Variants in ABCA10 observed in about 807,000 individuals in gnomAD.
ABCA10 encodes ATP-binding cassette sub-family A member 10.
Under a neutral mutation model 187.5 loss-of-function variants are expected in ABCA10, and 169 were observed. The ratio of observed to expected loss-of-function variants is 0.90; its 90% CI spans 0.80 to 1.02. The LOEUF is 1.02. ABCA10 is among the 50% of genes least tolerant of loss of function. The pLI, the probability that ABCA10 is intolerant of heterozygous loss-of-function variation, is 0.00. For synonymous variants in ABCA10, 574 were observed against 601.8 expected (o/e 0.95, Z 0.68); for missense variants, 1,727 against 1,812.4 (o/e 0.95, Z 0.86).
chr17:69,217,155 G>A (rs528809822), intron 6 of ABCA10, among the ~76,000 whole-genome samples: 103 of 151,998 alleles, frequency 6.8e-4, no homozygotes, highest in Admixed American at 2.2e-3. Context: ...GCTGAGGCAG[G>A]AGAATCACTT....
In ABCA10 at chr17:69,162,838, C is replaced by CATATACATAT. The variant is rs375141032; in HGVS notation, c.3363+1235_3363+1236insATATGTATAT. Among the ~76,000 whole-genome samples the CATATACATAT allele has an allele frequency of 8.0e-3, 965 of 120,782 alleles. 7 individuals are homozygous for CATATACATAT. Among genetic ancestry groups the CATATACATAT allele is most frequent in the Middle Eastern group, 0.015 (4 of 262 alleles). The allele number at this position is 120,782 out of a possible 152,430, so 79.2% of individuals were successfully genotyped here. On this transcript the variant is annotated intron_variant, in intron 27 of 38. Transcript: ENST00000690296. ...ACATATACATATACATATACATATA[C>CATATACATAT]ATATATATATATATATATGAGACGG...
At chr17:69,209,036 T>C (rs958504101) in intron 9 of ABCA10, among the ~76,000 whole-genome samples, 8 of 152,174 alleles carry the variant, frequency 5.3e-5, no homozygotes, top group African/African-American at 1.9e-4. Flanking sequence ...GGAGACCCTA[T>C]CTTCAAAACA....
chr17:69,176,366 G>T (rs1324044048), intron 22 of ABCA10, among the ~76,000 whole-genome samples: 1 of 151,886 alleles, frequency 6.6e-6, no homozygotes, highest in Non-Finnish European at 1.5e-5. Flanking sequence ...GCATTGAGGG[G>T]TCTTTAAGTT....
chr17:69,222,738 T>G lies in ABCA10; in HGVS notation c.35-41A>C, dbSNP rs368816219. The G allele has an allele frequency of 8.0e-6, 12 of 1,507,914 alleles. No individual in the cohort carries two copies. The African/African-American group carries it at 1.4e-4, about 18-fold the overall frequency. 93.4% of individuals were successfully genotyped at this position (1,507,914 alleles called of 1,614,324 possible). On this transcript the variant is annotated intron_variant, in intron 3 of 38. Coordinates refer to ENST00000690296, the MANE Select transcript of ABCA10 (RefSeq NM_001377321.1). ...AACATAAATAAATAATCATGTAAACTTATTACTAGAGGACACAAAAACAAA... is the reference window on the plus strand; with the variant it reads ...AACATAAATAAATAATCATGTAAACGTATTACTAGAGGACACAAAAACAAA...
chr17:69,186,810 A>G (rs900797403), intron 19 of ABCA10, among the ~76,000 whole-genome samples: 8 of 152,142 alleles, frequency 5.3e-5, no homozygotes, highest in Admixed American at 2.0e-4. Flanking sequence ...AACCTGGCAT[A>G]TAAGTTATTT....
rs181174295 is a variant in ABCA10 at position 69,222,600 on chromosome 17, G to A, written c.132C>T (p.Phe44=). The change falls in exon 4 of 39, where the codon TTC becomes TTT. Residue 44 remains phenylalanine, a synonymous_variant. Transcript: ENST00000690296. ...CCCAATTAAACTTCAGGCGATATGA[G>A]AAAGTATCACTAAATATAACTCCCA... ...EMVGVIFSDT[F]SYRLKFNWGY... 1.3e-5 allele frequency: 21 copies of A among 1,603,674 alleles called. No individual in the cohort carries two copies. In the Admixed American group the frequency reaches 3.5e-4, roughly 27 times the overall value.
rs985746053 is a variant in ABCA10, at chr17:69,187,742, A to G, written c.2269T>C (p.Tyr757His). ...SSAALWRRQI[Y>H]AVATLRFLKL... ...AAGAAGCGAAGTGTTGCCACTGCAT[A>G]GATTTGTCGTCTCCAGAGAGCTGCA... The change falls in exon 19 of 39, where the codon TAT (tyrosine) becomes CAT (histidine). Residue 757 changes from tyrosine to histidine, a missense_variant. Physicochemically the swap from Tyr to His is moderately conservative, Grantham distance 83 (BLOSUM62 2). Transcript: ENST00000690296. 8.1e-6 allele frequency: 13 copies of G among 1,613,798 alleles called. No homozygotes were observed. In the African/African-American group the frequency reaches 1.5e-4, roughly 18 times the overall value.
Position 69,164,057 on chromosome 17 carries a change from T to C in ABCA10, c.3363+17A>G, listed in dbSNP as rs771806239. 2.8e-5 allele frequency: 43 copies of C among 1,516,920 alleles called. No homozygotes were observed. The highest frequency in any genetic ancestry group is 3.6e-5 in the Non-Finnish European group (41 of 1,134,264). 94.0% of individuals were successfully genotyped at this position (1,516,920 alleles called of 1,614,324 possible). ...ATCTTATGCAATATATATATTTAGG[T>C]AGAAAATGTTCCTTACTATTAAGGT... On this transcript the variant is annotated intron_variant, in intron 27 of 38. Transcript: ENST00000690296.
At chr17:69,238,021 G>A (rs944291086) in intron 1 of ABCA10, among the ~76,000 whole-genome samples, 3 of 152,044 alleles carry the variant, frequency 2.0e-5, no homozygotes, top group East Asian at 1.9e-4. Context: ...AATTAGATGG[G>A]CATGGTGGCA....
chr17:69,159,812 T>C (rs150849397), intron 27 of ABCA10, among the ~76,000 whole-genome samples: 2,879 of 152,218 alleles, frequency 0.019, 87 homozygotes, highest in African/African-American at 0.066. Flanking sequence ...AATAGACCAA[T>C]GGAATAGAAT....
At chr17:69,206,165 T>C (rs1568068107) in intron 9 of ABCA10, among the ~76,000 whole-genome samples, 1 of 152,216 alleles carries the variant, frequency 6.6e-6, no homozygotes, top group Non-Finnish European at 1.5e-5. Flanking sequence ...GAAACTTACA[T>C]TAAATTTAGG....
chr17:69,223,895 G>A (rs1204463181), intron 3 of ABCA10, among the ~76,000 whole-genome samples: 1 of 152,190 alleles, frequency 6.6e-6, no homozygotes, highest in Non-Finnish European at 1.5e-5. Context: ...GACTAAGACA[G>A]AAAGTGGCTA....
In ABCA10 at chr17:69,155,909, T is replaced by C. The variant is rs371900427; in HGVS notation, c.3472A>G (p.Arg1158Gly). The change falls in exon 29 of 39, where the codon AGA (arginine) becomes GGA (glycine). Residue 1158 changes from arginine (R) to glycine (G), a missense_variant. Arg to Gly is a moderately radical substitution (Grantham distance 125, BLOSUM62 -2). Coordinates refer to ENST00000690296, the MANE Select transcript of ABCA10 (RefSeq NM_001377321.1). ...TCTTCCGGATTGGGATGAGTTTCTC[T>C]ACTCCGTGGAGAGATTCTACAGAGG... ...DPVFRISPRS[R>G]ETHPNPEEPE... The C allele has an allele frequency of 5.6e-6, 9 of 1,613,416 alleles. No individual in the cohort carries two copies. In the African/African-American group the frequency reaches 8.0e-5, roughly 14 times the overall value.
chr17:69,225,343 A>G lies in ABCA10; in HGVS notation c.16T>C (p.Leu6=). The part of the protein sequence containing the change: MNKMA[L]ASFMKGRTVI... Reference sequence around the variant, plus strand: ...AACACACCTTTCATAAAGGAAGCCAAGGCCATCTTATTCATTATCCTTTGT... The same window carrying G: ...AACACACCTTTCATAAAGGAAGCCAGGGCCATCTTATTCATTATCCTTTGT... Residue 6 remains leucine, a synonymous_variant, in exon 3 of 39, where the codon TTG becomes CTG. Coordinates refer to ENST00000690296, the MANE Select transcript of ABCA10 (RefSeq NM_001377321.1). 6.2e-7 allele frequency: 1 copy of G among 1,613,274 alleles called. No individual in the cohort carries two copies. The highest frequency in any genetic ancestry group is 8.5e-7 in the Non-Finnish European group (1 of 1,179,446).
At chr17:69,155,753 A>G in intron 29 of ABCA10, 52 bp downstream of exon 29, 1 of 1,576,164 alleles carries the variant, frequency 6.3e-7, no homozygotes. Flanking sequence ...CATCAATTCT[A>G]GAGGACAAAC....
intron 9 of ABCA10, among the ~76,000 whole-genome samples, chr17:69,209,914 A>C (rs540987522): frequency 6.6e-6 from 1 of 152,272 alleles, no homozygotes; most frequent in African/African-American, 2.4e-5. Context: ...CAGTAAAAAT[A>C]TGGGATTATG....
intron 35 of ABCA10, 67 bp from the exon 36 acceptor site, chr17:69,152,250 G>A: frequency 3.8e-6 from 6 of 1,574,592 alleles, no homozygotes; most frequent in Non-Finnish European, 5.1e-6. Flanking sequence ...CACTGTAGAG[G>A]AAGGTGTTTA....
chr17:69,201,791 TA>T (rs2074548001), intron 9 of ABCA10, 123 bp from the exon 10 acceptor site: 2 of 898,546 alleles, frequency 2.2e-6, no homozygotes, highest in Non-Finnish European at 3.1e-6. Context: ...TTTATATTTA[TA>T]ATTTTTTTTT....
At chr17:69,221,296 T>A (rs2074745728) in intron 5 of ABCA10, among the ~76,000 whole-genome samples, 1 of 152,180 alleles carries the variant, frequency 6.6e-6, no homozygotes, top group Non-Finnish European at 1.5e-5. Context: ...TAGGGATAGA[T>A]AATATTGAGT....
Sources: allele counts gnomAD v4.1 joint callset (sites outside exome capture counted in the v4.1 genomes callset), GRCh38; gene constraint gnomAD v4.1.1; transcripts MANE v1.5; gene names NCBI Gene and HGNC (gene_info 2026-07-23, HGNC 2026-07-21).